Variants in PCM1 observed in about 807,000 individuals in gnomAD.
PCM1 encodes the protein pericentriolar material 1 protein.
PCM1 carries 157 observed loss-of-function variants against 241.9 expected under a neutral mutation model. The observed-to-expected ratio is 0.65, with a 90% confidence interval of 0.57 to 0.74. The LOEUF (loss-of-function observed/expected upper bound fraction) is 0.74, where lower values mean the gene tolerates loss of function less well. Ranked by LOEUF, PCM1 falls within the 30% of genes least tolerant of loss-of-function variation. The pLI is 0.00. For synonymous variants in PCM1, 1,085 were observed against 784.9 expected (o/e 1.38, Z -6.39); for missense variants, 3,478 against 2,360.1 (o/e 1.47, Z -9.81).
chr8:17,943,291 A>G (rs765326997), intron 6 of PCM1, among the ~76,000 whole-genome samples: 1 of 151,794 alleles, frequency 6.6e-6, no homozygotes, highest in Non-Finnish European at 1.5e-5. Context: ...TTGAGAGCAC[A>G]GTTTGAAATT....
chr8:17,989,552 G>C (rs2083774972), intron 26 of PCM1, among the ~76,000 whole-genome samples: 1 of 152,020 alleles, frequency 6.6e-6, no homozygotes, highest in Non-Finnish European at 1.5e-5. Context: ...ATGTCCCTGA[G>C]AGTATAGAAA....
intron 2 of PCM1, among the ~76,000 whole-genome samples, chr8:17,929,979 T>C (rs2058451223): frequency 6.6e-6 from 1 of 152,174 alleles, no homozygotes; most frequent in Admixed American, 6.5e-5. Context: ...ACTATAATCC[T>C]GTAACACAAA....
chr8:18,015,242 A>G (rs1165860062), intron 36 of PCM1, among the ~76,000 whole-genome samples: 1 of 125,542 alleles, frequency 8.0e-6, no homozygotes, highest in Admixed American at 7.9e-5. Flanking sequence ...ATCTTTATAC[A>G]GTGAATGATA....
intron 10 of PCM1, 88 bp downstream of exon 10, chr8:17,955,741 G>T: frequency 1.0e-6 from 1 of 983,410 alleles, no homozygotes; most frequent in South Asian, 1.4e-5. Context: ...TCTGCAAAAC[G>T]AGATTTATTT....
chr8:17,931,858 A>G (rs2059136475), intron 2 of PCM1, among the ~76,000 whole-genome samples: 1 of 152,116 alleles, frequency 6.6e-6, no homozygotes, highest in African/African-American at 2.4e-5. Context: ...TATGGGTATT[A>G]TTTTTTAAAG....
At chr8:17,948,294 C>CTTTTTTTTTTT (rs550672840) in intron 7 of PCM1, among the ~76,000 whole-genome samples, 1 of 63,950 alleles carries the variant, frequency 1.6e-5, no homozygotes, top group African/African-American at 6.3e-5. Context: ...CAAATAACCT[C>CTTTTTTTTTTT]TTTTTTTTTT....
intron 7 of PCM1, 105 bp from the exon 8 acceptor site, chr8:17,950,510 T>C: frequency 1.6e-6 from 1 of 643,926 alleles, no homozygotes; most frequent in Non-Finnish European, 2.7e-6. Flanking sequence ...AAGTTACGTA[T>C]GTGAGCTTTT....
At chr8:17,991,509 C>T in intron 27 of PCM1, 33 bp from the exon 28 acceptor site, 3 of 1,538,666 alleles carry the variant, frequency 1.9e-6, no homozygotes, top group Non-Finnish European at 2.6e-6. Context: ...TTCACTTTTA[C>T]ATACTCAAAA....
In PCM1 at chr8:17,955,660, C is replaced by T. The variant is rs1396579015; in HGVS notation, c.1472+7C>T. 1.3e-6 allele frequency: 2 copies of T among 1,593,002 alleles called. No individual in the cohort carries two copies. The highest frequency in any genetic ancestry group is 2.2e-5 in the East Asian group (1 of 44,788). Reference sequence around the variant, plus strand: ...ATCCATCTGAAAAACTCCAGTAAAACATTTATAATCATTGTTTACATGAAG... The same window carrying T: ...ATCCATCTGAAAAACTCCAGTAAAATATTTATAATCATTGTTTACATGAAG... On this transcript the variant is annotated splice_region_variant and intron_variant, in intron 10 of 38. Coordinates refer to ENST00000325083, the MANE Select transcript of PCM1 (RefSeq NM_006197.4).
chr8:17,984,020 C>G (rs1444847166), intron 24 of PCM1, among the ~76,000 whole-genome samples: 2 of 152,092 alleles, frequency 1.3e-5, no homozygotes, highest in East Asian at 3.8e-4. Context: ...AGGGATTTTT[C>G]CAGCCAAAGC....
chr8:18,008,343 T>C (rs995763352), intron 30 of PCM1, among the ~76,000 whole-genome samples: 6 of 151,430 alleles, frequency 4.0e-5, no homozygotes, highest in Non-Finnish European at 7.4e-5. Flanking sequence ...CTGTCTCCCA[T>C]CACCCCCATA....
intron 30 of PCM1, among the ~76,000 whole-genome samples, chr8:18,009,337 C>CAT (rs781386008): frequency 6.6e-6 from 1 of 152,066 alleles, no homozygotes; most frequent in African/African-American, 2.4e-5. Context: ...TATAGATGAC[C>CAT]ATATATGTTC....
At chr8:18,009,205 G>C (rs17126091) in intron 30 of PCM1, among the ~76,000 whole-genome samples, 1,582 of 152,152 alleles carry the variant, frequency 0.01, 28 homozygotes, top group African/African-American at 0.036. Context: ...TCCTTTCATA[G>C]CACTTAGTAT....
At chr8:17,953,412 A>G (rs1463993586) in intron 9 of PCM1, among the ~76,000 whole-genome samples, 1 of 152,210 alleles carries the variant, frequency 6.6e-6, no homozygotes, top group African/African-American at 2.4e-5. Flanking sequence ...ATAAAGTTGG[A>G]CCTTGAAAAA....
Position 17,962,057 on chromosome 8 carries a change from C to G in PCM1, c.2346C>G (p.Asn782Lys), listed in dbSNP as rs1272515871. The change falls in exon 16 of 39, where the codon AAC (asparagine) becomes AAG (lysine). Residue 782 changes from asparagine (N) to lysine (K), a missense_variant. Transcript: ENST00000325083. ...DLQLSAASVG[N>K]CPTKKYMPAV... ...AGCTGTCAGCTGCTAGTGTGGGTAA[C>G]TGTCCCACCAAAAAATATATGCCAG... is the stretch of plus-strand genomic sequence containing the variant. The G allele has an allele frequency of 6.2e-7, 1 of 1,611,358 alleles. No individual in the cohort carries two copies. The highest frequency in any genetic ancestry group is 1.7e-5 in the Admixed American group (1 of 59,774).
chr8:18,005,488 A>G (rs1436683703), intron 29 of PCM1, among the ~76,000 whole-genome samples: 1 of 152,004 alleles, frequency 6.6e-6, no homozygotes, highest in African/African-American at 2.4e-5. Flanking sequence ...GGGGGACTGA[A>G]CTGAGAAAAG....
intron 15 of PCM1, 105 bp from the exon 16 acceptor site, chr8:17,961,929 A>C: frequency 1.2e-6 from 1 of 866,768 alleles, no homozygotes. Context: ...ATAGCAGATT[A>C]AATATGGCAC....
In PCM1 at chr8:17,967,125, C is replaced by G; in HGVS notation, c.3367C>G (p.Leu1123Val). ...PFSFPTQPVN[L>V]FNIPGFTNFS... is the part of the protein sequence containing the mutation. ...CAGCTTTCCAACACAGCCTGTAAAT[C>G]TCTTCAATATACCTGGATTTACTAA... The change falls in exon 21 of 39, where the codon CTC becomes GTC. Residue 1123 changes from leucine (L) to valine (V), a missense_variant. Leu to Val is a conservative substitution (Grantham distance 32, BLOSUM62 1). Transcript: ENST00000325083. 6.2e-7 allele frequency: 1 copy of G among 1,605,594 alleles called. No individual in the cohort carries two copies. Among genetic ancestry groups the G allele is most frequent in the Non-Finnish European group, 8.5e-7 (1 of 1,175,522 alleles).
intron 29 of PCM1, among the ~76,000 whole-genome samples, chr8:17,994,631 G>A (rs1221174339): frequency 6.6e-6 from 1 of 152,124 alleles, no homozygotes; most frequent in Non-Finnish European, 1.5e-5. Flanking sequence ...TCTCCAGAGG[G>A]GTTGTACTAA....
Sources: gnomAD v4.1 joint callset for allele counts (sites outside exome capture counted in the v4.1 genomes callset) on GRCh38, gnomAD v4.1.1 for gene constraint, MANE v1.5 for transcripts, NCBI Gene and HGNC (gene_info 2026-07-23, HGNC 2026-07-21) for gene names.